Variants in TBC1D5 observed in about 807,000 individuals in gnomAD.
TBC1D5 encodes the protein TBC1 domain family, member 5.
In TBC1D5, 75 loss-of-function variants were observed where a neutral mutation model predicts 100.3. The observed-to-expected ratio is 0.75, with a 90% confidence interval of 0.62 to 0.91. The LOEUF (loss-of-function observed/expected upper bound fraction) is 0.91, where lower values mean the gene tolerates loss of function less well. TBC1D5 is among the 40% of genes least tolerant of loss of function. The pLI is 0.00. For missense variants in TBC1D5, 910 were observed against 942.4 expected, an observed-to-expected ratio of 0.97 and a Z score of 0.45; for synonymous variants, 323 against 325.6, an observed-to-expected ratio of 0.99 and a Z score of 0.09.
chr3:17,321,776 T>C (rs1035460247), intron 13 of TBC1D5, among the ~76,000 whole-genome samples: 1 of 152,204 alleles, frequency 6.6e-6, no homozygotes, highest in African/African-American at 2.4e-5. Flanking sequence ...TAATTTCAAG[T>C]TTTGTAAAAA....
chr3:17,204,962 C>G (rs1195014505), intron 18 of TBC1D5, among the ~76,000 whole-genome samples: 1 of 152,200 alleles, frequency 6.6e-6, no homozygotes, highest in African/African-American at 2.4e-5. Flanking sequence ...ATAGTCTACT[C>G]TTCCTGACCT....
intron 1 of TBC1D5, among the ~76,000 whole-genome samples, chr3:17,679,237 G>GC (rs2153806984): frequency 6.6e-6 from 1 of 151,308 alleles, no homozygotes; most frequent in East Asian, 1.9e-4. Context: ...TTTGTATAAT[G>GC]CAACAGAGAC....
chr3:17,218,787 G>A (rs561332753), intron 17 of TBC1D5, among the ~76,000 whole-genome samples: 1 of 152,106 alleles, frequency 6.6e-6, no homozygotes, highest in Non-Finnish European at 1.5e-5. Flanking sequence ...TCTTACTGAG[G>A]AACTCTTGTA....
At chr3:17,263,661 G>C (rs1227858449) in intron 15 of TBC1D5, among the ~76,000 whole-genome samples, 1 of 152,174 alleles carries the variant, frequency 6.6e-6, no homozygotes, top group Non-Finnish European at 1.5e-5. Context: ...GGCAGGGACA[G>C]GCTGAATTTT....
chr3:17,603,741 C>T (rs781377396), intron 2 of TBC1D5, among the ~76,000 whole-genome samples: 10 of 152,100 alleles, frequency 6.6e-5, no homozygotes, highest in Non-Finnish European at 1.5e-4. Flanking sequence ...TCTCGGGTCA[C>T]TACAACCTCT....
chr3:17,239,123 A>C (rs1044761249), intron 16 of TBC1D5, among the ~76,000 whole-genome samples: 2 of 152,130 alleles, frequency 1.3e-5, no homozygotes, highest in Non-Finnish European at 2.9e-5. Context: ...ATTCAAATAC[A>C]AGTTTCATGA....
intron 4 of TBC1D5, among the ~76,000 whole-genome samples, chr3:17,409,813 A>T (rs946218700): frequency 6.6e-6 from 1 of 152,156 alleles, no homozygotes; most frequent in Non-Finnish European, 1.5e-5. Context: ...TGCCAAAGAA[A>T]AGTTGGAAGG....
At chr3:17,615,851 TGCATTTTTTGAA>T (rs931588744) in intron 2 of TBC1D5, among the ~76,000 whole-genome samples, 6 of 152,182 alleles carry the variant, frequency 3.9e-5, no homozygotes, top group African/African-American at 1.4e-4. Flanking sequence ...CTGGATTCAT[TGCATTTTTTGAA>T]GCATTTTTTG....
chr3:17,296,425 T>C (rs2082264207), intron 14 of TBC1D5, among the ~76,000 whole-genome samples: 1 of 152,236 alleles, frequency 6.6e-6, no homozygotes, highest in African/African-American at 2.4e-5. Flanking sequence ...AATTACTGCC[T>C]GCAGCATCTT....
intron 4 of TBC1D5, among the ~76,000 whole-genome samples, chr3:17,424,000 A>C (rs1290441023): frequency 6.6e-6 from 1 of 152,164 alleles, no homozygotes; most frequent in Non-Finnish European, 1.5e-5. Context: ...CCAACAAATA[A>C]GTTATTTTCT....
rs1457430013 is a variant in TBC1D5 at position 17,284,111 on chromosome 3, C to CACACACACACACAT, written c.1245+7783_1245+7784insATGTGTGTGTGTGT. On this transcript the variant is annotated intron_variant, in intron 15 of 21. Transcript: ENST00000253692. ...TTTTACACACACACACACACACACA[C>CACACACACACACAT]ACACACACACACGTATTTTTAATTT... Among the ~76,000 whole-genome samples, 238 of 150,976 alleles carry CACACACACACACAT rather than the reference C, an allele frequency of 1.6e-3. 3 individuals are homozygous for CACACACACACACAT. The highest frequency in any genetic ancestry group is 0.011 in the East Asian group (58 of 5,158).
chr3:17,182,444 T>G (rs369167374), intron 19 of TBC1D5, among the ~76,000 whole-genome samples: 1 of 152,214 alleles, frequency 6.6e-6, no homozygotes, highest in South Asian at 2.1e-4. Flanking sequence ...GCTCTTTCAG[T>G]GCTGATTGAA....
chr3:17,348,451 A>T (rs2151602112), intron 13 of TBC1D5, among the ~76,000 whole-genome samples: 1 of 152,310 alleles, frequency 6.6e-6, no homozygotes, highest in South Asian at 2.1e-4. Flanking sequence ...TTTGCAGGTG[A>T]CGCAGTGTTG....
intron 2 of TBC1D5, among the ~76,000 whole-genome samples, chr3:17,528,635 T>C (rs2096173895): frequency 6.6e-6 from 1 of 152,084 alleles, no homozygotes; most frequent in Non-Finnish European, 1.5e-5. Context: ...CCCCCCATTC[T>C]CTACTTGGGC....
intron 13 of TBC1D5, among the ~76,000 whole-genome samples, chr3:17,357,630 T>C (rs1027599715): frequency 6.6e-6 from 1 of 152,226 alleles, no homozygotes; most frequent in African/African-American, 2.4e-5. Context: ...TTTGAGAAAG[T>C]GACATTATTT....
At chr3:17,647,960 C>G (rs1426935481) in intron 1 of TBC1D5, among the ~76,000 whole-genome samples, 1 of 152,086 alleles carries the variant, frequency 6.6e-6, no homozygotes, top group Non-Finnish European at 1.5e-5. Flanking sequence ...CAACAACATT[C>G]TTCACAGAAA....
chr3:17,530,290 C>A (rs904576327), intron 2 of TBC1D5, among the ~76,000 whole-genome samples: 2 of 148,570 alleles, frequency 1.3e-5, no homozygotes, highest in Non-Finnish European at 3.0e-5. Context: ...ACCTAAAATG[C>A]GTAATTCAAC....
chr3:17,183,874 G>A (rs2125484816), intron 19 of TBC1D5, among the ~76,000 whole-genome samples: 1 of 152,310 alleles, frequency 6.6e-6, no homozygotes, highest in African/African-American at 2.4e-5. Context: ...TGCCTTGGTG[G>A]ATTCTCTTTG....
intron 4 of TBC1D5, among the ~76,000 whole-genome samples, chr3:17,426,510 T>C (rs2094339702): frequency 6.6e-6 from 1 of 152,008 alleles, no homozygotes; most frequent in African/African-American, 2.4e-5. Context: ...TTGAGCTTTT[T>C]ATCTTCTCTT....
Sources: gnomAD v4.1 joint callset for allele counts (sites outside exome capture counted in the v4.1 genomes callset) on GRCh38, gnomAD v4.1.1 for gene constraint, MANE v1.5 for transcripts, NCBI Gene and HGNC (gene_info 2026-07-23, HGNC 2026-07-21) for gene names.